The following RUNX3 variants were observed in gnomAD, a reference collection of about 807,000 sequenced individuals.
RUNX3 encodes the protein RUNX family transcription factor 3.
RUNX3 carries 10 observed loss-of-function variants against 27.7 expected under a neutral mutation model. The observed-to-expected ratio is 0.36, with a 90% confidence interval of 0.22 to 0.61. The LOEUF is 0.61. RUNX3 is among the 20% of genes least tolerant of loss of function. The pLI is 0.72. For synonymous variants in RUNX3, 270 were observed against 269.2 expected, an observed-to-expected ratio of 1.00 and a Z score of -0.03; for missense variants, 469 against 629.5, an observed-to-expected ratio of 0.75 and a Z score of 2.73.
rs538984510 is a variant in RUNX3, at chr1:24,937,442, C to G, written c.59-7590G>C. On this transcript the variant is annotated intron_variant, in intron 2 of 6. Coordinates refer to the RUNX3 transcript ENST00000338888. ...CTGGCCCCTGCCATGTACCCAATCC[C>G]GGGGAGTAGGGTTTCTTGAGTGCCT... is the stretch of plus-strand genomic sequence containing the variant. 2.6e-5 allele frequency among the ~76,000 whole-genome samples: 4 copies of G among 152,206 alleles called. No individual in the cohort carries two copies. The East Asian group carries it at 7.7e-4, about 29-fold the overall frequency.
chr1:24,945,742 G>A (rs1641590281), intron 2 of RUNX3, among the ~76,000 whole-genome samples: 1 of 152,086 alleles, frequency 6.6e-6, no homozygotes, highest in East Asian at 1.9e-4. Flanking sequence ...ACAGCCCCCG[G>A]TTCCTTTTCA....
Position 24,916,529 on chromosome 1 carries a change from G to A in RUNX3, c.544+2711C>T, listed in dbSNP as rs540336621. On this transcript the variant is annotated intron_variant, in intron 3 of 4. Transcript: ENST00000308873. This position sits in a 1 kb window ranked among gnomAD's most constrained non-coding sequence, Gnocchi z 4.8. ...TTGCACAGGGCCTGACGCAAGGGAG[G>A]GGGTTGCTCAGTGACCAGGAGCCGC... Among the ~76,000 whole-genome samples the A allele has an allele frequency of 6.6e-5, 10 of 152,282 alleles. No individual in the cohort carries two copies. The highest frequency in any genetic ancestry group is 1.3e-4 in the Non-Finnish European group (9 of 68,022).
intron 2 of RUNX3, among the ~76,000 whole-genome samples, chr1:24,925,628 C>G (rs1641084296): frequency 6.6e-6 from 1 of 152,186 alleles, no homozygotes; most frequent in South Asian, 2.1e-4. Context: ...GTGGCTGATA[C>G]TAGAATGCAG....
chr1:24,918,332 G>A (rs1193870895), intron 3 of RUNX3, among the ~76,000 whole-genome samples: 1 of 152,158 alleles, frequency 6.6e-6, no homozygotes, highest in Non-Finnish European at 1.5e-5. Context: ...ACAGCATTAG[G>A]TCCTATTCAG....
Position 24,930,021 on chromosome 1 carries a change from G to C in RUNX3, c.-153C>G, listed in dbSNP as rs1015443805. ...CTCAGGGCGCAGGGGGCGGCGCCCG[G>C]CCACTACTCGCCAGGGCCCGCCCGC... On this transcript the variant is annotated 5_prime_UTR_variant, in exon 1 of 5. Coordinates refer to ENST00000308873, the MANE Select transcript of RUNX3 (RefSeq NM_004350.3). This position sits in a 1 kb window ranked among gnomAD's most constrained non-coding sequence, Gnocchi z 4.1. The C allele has an allele frequency of 6.4e-6, 7 of 1,093,332 alleles. No individual in the cohort carries two copies. Among genetic ancestry groups the C allele is most frequent in the East Asian group, 5.6e-5 (1 of 17,946 alleles). 67.7% of individuals were successfully genotyped at this position (1,093,332 alleles called of 1,614,324 possible). A position where few individuals can be genotyped will look rare whatever the true frequency, so the allele number is the denominator to read the frequency against.
At chr1:24,914,279 C>T (rs1364241178) in intron 3 of RUNX3, among the ~76,000 whole-genome samples, 2 of 152,242 alleles carry the variant, frequency 1.3e-5, no homozygotes, top group East Asian at 3.8e-4. Flanking sequence ...AGGCCCGTCA[C>T]CCATCTGAAG....
In RUNX3 at chr1:24,904,398, A is replaced by T. The variant is rs1478950088; in HGVS notation, c.704-1732T>A. ...GTGATGCTCCTGGCTTAAGGTAAGA[A>T]GATGTGGGGACAGCAGTCTGGGTGG... On this transcript the variant is annotated intron_variant, in intron 4 of 4. Transcript: ENST00000308873. The surrounding 1 kb of genome is among the most constrained non-coding windows in gnomAD (Gnocchi z 5.7). 6.6e-6 allele frequency among the ~76,000 whole-genome samples: 1 copy of T among 152,150 alleles called. No homozygotes were observed. The highest frequency in any genetic ancestry group is 1.5e-5 in the Non-Finnish European group (1 of 68,032).
chr1:24,917,244 C>A (rs1486644635), intron 3 of RUNX3, among the ~76,000 whole-genome samples: 1 of 152,192 alleles, frequency 6.6e-6, no homozygotes, highest in Non-Finnish European at 1.5e-5. Context: ...CCAACTGAGG[C>A]TCCTGTCCAT....
rs573095700 is a variant in RUNX3, at chr1:24,947,984, C to T, written c.58+16530G>A. ...GCCCCACCTTCTCCCGGGCCAGTTT[C>T]CCCATCTGTCAGACAATGGGACCCT... On this transcript the variant is annotated intron_variant, in intron 2 of 6. Coordinates refer to the RUNX3 transcript ENST00000338888. Among the ~76,000 whole-genome samples, 27 of 152,366 alleles carry T rather than the reference C, an allele frequency of 1.8e-4. 1 individual carries two copies. The South Asian group carries it at 5.4e-3, about 30-fold the overall frequency.
At chr1:24,957,246 G>T (rs1641961083) in intron 2 of RUNX3, among the ~76,000 whole-genome samples, 1 of 152,224 alleles carries the variant, frequency 6.6e-6, no homozygotes, top group Non-Finnish European at 1.5e-5. Flanking sequence ...GCCAACAAGT[G>T]TTTCAAAGAA....
Position 24,930,016 on chromosome 1 carries a change from G to T in RUNX3, c.-148C>A. ...CGGGCCTCAGGGCGCAGGGGGCGGC[G>T]CCCGGCCACTACTCGCCAGGGCCCG... On this transcript the variant is annotated 5_prime_UTR_variant, in exon 1 of 5. Transcript: ENST00000308873. This position sits in a 1 kb window ranked among gnomAD's most constrained non-coding sequence, Gnocchi z 4.1. 1 of 1,113,870 alleles carries T rather than the reference G, an allele frequency of 9.0e-7. No individual in the cohort carries two copies. The highest frequency in any genetic ancestry group is 1.1e-6 in the Non-Finnish European group (1 of 914,706). 69.0% of individuals were successfully genotyped at this position (1,113,870 alleles called of 1,614,324 possible). A position where few individuals can be genotyped will look rare whatever the true frequency, so the allele number is the denominator to read the frequency against.
At chr1:24,924,257 G>C (rs1641056145) in intron 2 of RUNX3, among the ~76,000 whole-genome samples, 1 of 152,114 alleles carries the variant, frequency 6.6e-6, no homozygotes, top group Admixed American at 6.5e-5. Context: ...CATGCCTATA[G>C]TCCCAGCTAT....
upstream of RUNX3, among the ~76,000 whole-genome samples, chr1:24,932,559 A>T (rs989902720): frequency 3.4e-4 from 52 of 152,318 alleles, no homozygotes; most frequent in African/African-American, 1.2e-3. Context: ...GGTCTCAGAC[A>T]AACCGATGGC....
At chr1:24,924,042 CA>C (rs3216190) in intron 2 of RUNX3, among the ~76,000 whole-genome samples, 80,584 of 151,826 alleles carry the variant, frequency 0.53, 21,572 homozygotes, top group South Asian at 0.58. Context: ...GGTGAAGATT[CA>C]ATTCTTCCTG....
At chr1:24,929,071 G>C (rs1557846351) in intron 1 of RUNX3, 2 of 458,006 alleles carry the variant, frequency 4.4e-6, no homozygotes, top group Non-Finnish European at 4.4e-6. Flanking sequence ...CCGAGCAAAC[G>C]TCTGGAGAGC....
intron 2 of RUNX3, among the ~76,000 whole-genome samples, chr1:24,940,226 G>C (rs1641444730): frequency 6.6e-6 from 1 of 152,206 alleles, no homozygotes; most frequent in African/African-American, 2.4e-5. Context: ...GTTGAGACCA[G>C]GATATTGTGC....
intron 2 of RUNX3, chr1:24,961,830 G>C (rs1557865847): frequency 6.6e-6 from 1 of 152,268 alleles, no homozygotes; most frequent in East Asian, 1.9e-4. Context: ...AGATGGGATG[G>C]CATTTGGAAG....
intron 2 of RUNX3, among the ~76,000 whole-genome samples, chr1:24,942,000 C>G (rs1382121932): frequency 6.6e-6 from 1 of 152,174 alleles, no homozygotes; most frequent in Admixed American, 6.5e-5. Context: ...GTCCTCAGAC[C>G]TGGGGTGGGG....
In RUNX3 at chr1:24,964,437, A is replaced by G. The variant is rs1642200975; in HGVS notation, c.58+77T>C. ...ACAGGCTGTGCGCTTGAGGGCAGCC[A>G]GGGCGGTCAGTGGAGGGACGTGGTC... is the stretch of plus-strand genomic sequence containing the variant. On this transcript the variant is annotated intron_variant, in intron 2 of 6. Coordinates refer to the RUNX3 transcript ENST00000338888. 8.3e-6 allele frequency: 10 copies of G among 1,208,494 alleles called. No individual in the cohort carries two copies. In the South Asian group the frequency reaches 1.0e-4, roughly 13 times the overall value. The allele number at this position is 1,208,494 out of a possible 1,614,324, so 74.9% of individuals were successfully genotyped here.
Sources: allele counts gnomAD v4.1 joint callset (sites outside exome capture counted in the v4.1 genomes callset), GRCh38; gene constraint gnomAD v4.1.1; non-coding constraint Gnocchi (gnomAD v3.1); transcripts MANE v1.5; gene names NCBI Gene and HGNC (gene_info 2026-07-23, HGNC 2026-07-21).